Variants in CCDC30 observed in about 807,000 individuals in gnomAD.
CCDC30 encodes coiled-coil domain-containing protein 30.
In CCDC30, 70 loss-of-function variants were observed where a neutral mutation model predicts 100.2. That is an observed-to-expected ratio of 0.70 (90% CI 0.58 to 0.85). CCDC30 has a LOEUF of 0.85. CCDC30 is among the 40% of genes least tolerant of loss of function. CCDC30 has a pLI of 0.00. For synonymous variants in CCDC30, 233 were observed against 269.5 expected, an observed-to-expected ratio of 0.86 and a Z score of 1.33; for missense variants, 652 against 771.2, an observed-to-expected ratio of 0.85 and a Z score of 1.83.
At chr1:42,538,567 C>T (rs550516810) in intron 6 of CCDC30, among the ~76,000 whole-genome samples, 7 of 152,130 alleles carry the variant, frequency 4.6e-5, no homozygotes, top group Non-Finnish European at 8.8e-5. Context: ...TAAATAGCTA[C>T]TGCACTCTAG....
chr1:42,650,539 G>GTA (rs1648263412), intron 15 of CCDC30, among the ~76,000 whole-genome samples: 2 of 147,058 alleles, frequency 1.4e-5, no homozygotes, highest in African/African-American at 5.1e-5. Context: ...GTGTGTGTGT[G>GTA]TATAACAGAA....
intron 6 of CCDC30, among the ~76,000 whole-genome samples, chr1:42,519,046 G>A (rs1329635468): frequency 6.6e-6 from 1 of 152,090 alleles, no homozygotes; most frequent in Non-Finnish European, 1.5e-5. Flanking sequence ...TTATATGGGT[G>A]TTTTTCTGTT....
At chr1:42,571,967 A>G (rs1645742505) in intron 7 of CCDC30, among the ~76,000 whole-genome samples, 1 of 152,272 alleles carries the variant, frequency 6.6e-6, no homozygotes, top group South Asian at 2.1e-4. Flanking sequence ...ATATATGAAT[A>G]GAACTGAGTA....
intron 6 of CCDC30, among the ~76,000 whole-genome samples, chr1:42,552,531 A>G (rs1645273135): frequency 6.6e-6 from 1 of 152,166 alleles, no homozygotes; most frequent in Non-Finnish European, 1.5e-5. Flanking sequence ...ACACCTTCAT[A>G]TATATTAAAT....
chr1:42,544,218 C>T (rs760256802), intron 6 of CCDC30, among the ~76,000 whole-genome samples: 1 of 152,114 alleles, frequency 6.6e-6, no homozygotes, highest in African/African-American at 2.4e-5. Context: ...GAATCATTCC[C>T]CACCCATCCT....
intron 6 of CCDC30, among the ~76,000 whole-genome samples, chr1:42,521,894 C>A (rs1404577504): frequency 6.6e-6 from 1 of 151,874 alleles, no homozygotes. Context: ...AATTTGGTTA[C>A]TATTTGCATG....
chr1:42,645,570 A>T (rs1056696989), intron 14 of CCDC30, among the ~76,000 whole-genome samples: 2 of 152,156 alleles, frequency 1.3e-5, no homozygotes, highest in Non-Finnish European at 2.9e-5. Flanking sequence ...GTTTCTTCCC[A>T]AGATACTGGA....
chr1:42,531,723 T>C (rs1232941082), intron 6 of CCDC30, among the ~76,000 whole-genome samples: 8 of 152,090 alleles, frequency 5.3e-5, no homozygotes, highest in African/African-American at 1.9e-4. Context: ...ATCATACAAC[T>C]GCACTTCAGC....
At chr1:42,633,350 T>C (rs565070130) in intron 11 of CCDC30, among the ~76,000 whole-genome samples, 1 of 152,146 alleles carries the variant, frequency 6.6e-6, no homozygotes, top group African/African-American at 2.4e-5. Flanking sequence ...TATGATTGAT[T>C]AAATCCTTGG....
At chr1:42,494,990 G>T in intron 4 of CCDC30, among the ~76,000 whole-genome samples, 2 of 103,212 alleles carry the variant, frequency 1.9e-5, no homozygotes, top group Non-Finnish European at 3.9e-5. Flanking sequence ...ATTTGACCCA[G>T]CCATCCCATT....
At chr1:42,649,709 G>C (rs1648173538) in intron 15 of CCDC30, among the ~76,000 whole-genome samples, 2 of 152,164 alleles carry the variant, frequency 1.3e-5, no homozygotes, top group Middle Eastern at 3.4e-3. Context: ...AAAACTGTTA[G>C]AACTAAGAAG....
At chr1:42,553,973 GC>G (rs1645312954) in intron 6 of CCDC30, among the ~76,000 whole-genome samples, 1 of 151,752 alleles carries the variant, frequency 6.6e-6, no homozygotes, top group Non-Finnish European at 1.5e-5. Flanking sequence ...TTCCTTTCCA[GC>G]TTTTTCTAGA....
intron 11 of CCDC30, among the ~76,000 whole-genome samples, chr1:42,617,181 G>A (rs1288382359): frequency 6.6e-6 from 1 of 152,146 alleles, no homozygotes; most frequent in African/African-American, 2.4e-5. Context: ...GCTCACACCT[G>A]TAATCCCAGC....
chr1:42,633,472 G>A (rs1647080790), intron 11 of CCDC30, among the ~76,000 whole-genome samples: 1 of 152,000 alleles, frequency 6.6e-6, no homozygotes, highest in Admixed American at 6.6e-5. Flanking sequence ...GCTCTCTAAG[G>A]GCCTCCAGAC....
chr1:42,535,325 C>A (rs4427443), intron 6 of CCDC30, among the ~76,000 whole-genome samples: 32,803 of 151,768 alleles, frequency 0.22, 3,762 homozygotes, highest in South Asian at 0.42. Flanking sequence ...AAGTGAGGAG[C>A]CCATATATGT....
Position 42,644,893 on chromosome 1 carries a change from T to TA in CCDC30, c.1671+87dup, listed in dbSNP as rs2148690002. On this transcript the variant is annotated intron_variant, in intron 14 of 16. Transcript: ENST00000668663. ...CTGTGCTGTCTCTTGCCTTCATCTTTATATAGCTGTAGCTGGGCTCTTGGC... is the reference window on the plus strand; with the variant it reads ...CTGTGCTGTCTCTTGCCTTCATCTTTAATATAGCTGTAGCTGGGCTCTTGGC... The TA allele has an allele frequency of 7.2e-6, 6 of 830,424 alleles. No homozygotes were observed. The South Asian group carries it at 8.8e-5, about 12-fold the overall frequency. The allele number at this position is 830,424 out of a possible 1,614,324, so 51.4% of individuals were successfully genotyped here.
Position 42,600,963 on chromosome 1 carries a change from G to A in CCDC30, c.1165-10015G>A, listed in dbSNP as rs116555384. 7.1e-3 allele frequency among the ~76,000 whole-genome samples: 1,078 copies of A among 152,096 alleles called. 16 individuals are homozygous for A. Among genetic ancestry groups the A allele is most frequent in the African/African-American group, 0.024 (1,016 of 41,474 alleles). On this transcript the variant is annotated intron_variant, in intron 10 of 16. Transcript: ENST00000668663. The stretch of plus-strand genomic sequence containing the variant: ...CTGAGGCCTCCCAGCCATACTTCCT[G>A]TATAGCTTGTGGAACTGCAAGTCAA...
intron 11 of CCDC30, among the ~76,000 whole-genome samples, chr1:42,611,553 T>TATAC (rs71777645): frequency 0.013 from 1,991 of 151,416 alleles, 41 homozygotes; most frequent in African/African-American, 0.046. Flanking sequence ...TCTCTCTTTC[T>TATAC]ATACATACAT....
At chr1:42,625,656 G>T in intron 11 of CCDC30, among the ~76,000 whole-genome samples, 1 of 151,858 alleles carries the variant, frequency 6.6e-6, no homozygotes, top group East Asian at 1.9e-4. Flanking sequence ...CCATGTATTT[G>T]TATAGTTTCC....
Sources: allele counts gnomAD v4.1 joint callset (sites outside exome capture counted in the v4.1 genomes callset), GRCh38; gene constraint gnomAD v4.1.1; transcripts MANE v1.5; gene names NCBI Gene and HGNC (gene_info 2026-07-23, HGNC 2026-07-21).